Variants in TASOR observed in about 807,000 individuals in gnomAD.
The protein encoded by TASOR is transcription activation suppressor.
Under a neutral mutation model 178.6 loss-of-function variants are expected in TASOR, and 53 were observed. That is an observed-to-expected ratio of 0.30 (90% confidence interval 0.24 to 0.37). The LOEUF (loss-of-function observed/expected upper bound fraction) is 0.37, where lower values mean the gene tolerates loss of function less well. TASOR is among the 10% of genes least tolerant of loss of function. TASOR has a pLI of 1.00. For missense variants in TASOR, 1,815 were observed against 1,971.4 expected, an observed-to-expected ratio of 0.92 and a Z score of 1.50; for synonymous variants, 713 against 696.2, an observed-to-expected ratio of 1.02 and a Z score of -0.38.
chr3:56,628,361 G>T, intron 19 of TASOR, 131 bp downstream of exon 19: 1 of 788,388 alleles, frequency 1.3e-6, no homozygotes, highest in Non-Finnish European at 2.0e-6. Flanking sequence ...CTCACAAGCT[G>T]ATTCACAGAT....
chr3:56,663,062 C>A (rs930463353), intron 8 of TASOR, among the ~76,000 whole-genome samples: 1 of 151,912 alleles, frequency 6.6e-6, no homozygotes, highest in Non-Finnish European at 1.5e-5. Context: ...CGCCTGTAAT[C>A]CTAGCTACTC....
intron 9 of TASOR, among the ~76,000 whole-genome samples, chr3:56,662,135 A>AG (rs113958357): frequency 0.17 from 25,565 of 151,214 alleles, 2,735 homozygotes; most frequent in South Asian, 0.35. Flanking sequence ...CGTCTCAAAA[A>AG]AAAAAAAAAA....
chr3:56,662,376 T>TA lies in TASOR; in HGVS notation c.1160+8dup, dbSNP rs2077617283. On this transcript the variant is annotated intron_variant, in intron 9 of 23. Transcript: ENST00000683822. ...TAGCAACCACGAACTGCTCTTTACTTATACTTACAGTTTGATAGGCAAAAA... is the reference window on the plus strand; with the variant it reads ...TAGCAACCACGAACTGCTCTTTACTTAATACTTACAGTTTGATAGGCAAAAA... 6.8e-7 allele frequency: 1 copy of TA among 1,463,952 alleles called. No homozygotes were observed. Among genetic ancestry groups the TA allele is most frequent in the Non-Finnish European group, 9.4e-7 (1 of 1,068,516 alleles). 90.7% of individuals were successfully genotyped at this position (1,463,952 alleles called of 1,614,324 possible). A position where few individuals can be genotyped will look rare whatever the true frequency, so the allele number is the denominator to read the frequency against.
rs2031957094 is a variant in TASOR at position 56,683,163 on chromosome 3, T to C, written c.-157A>G. 3.9e-6 allele frequency: 3 copies of C among 764,804 alleles called. No individual in the cohort carries two copies. Among genetic ancestry groups the C allele is most frequent in the Non-Finnish European group, 6.1e-6 (3 of 492,520 alleles). The allele number at this position is 764,804 out of a possible 1,614,324, so 47.4% of individuals were successfully genotyped here. On this transcript the variant is annotated 5_prime_UTR_variant, in exon 1 of 24. Transcript: ENST00000683822. ...CTGCGCTCCCGACCTGGCAGCCTCT[T>C]GGGGGGCCCTGTAGCGGGCACCCCA...
Position 56,621,578 on chromosome 3 carries a change from T to C in TASOR, c.*1459A>G. On this transcript the variant is annotated 3_prime_UTR_variant, in exon 24 of 24. Coordinates refer to ENST00000683822, the MANE Select transcript of TASOR (RefSeq NM_001365635.2). ...GAGTTGGAAAGTAGTCTCCTGCCTT[T>C]AGCTGAAAATCAAGAAGAGAGTTTT... 6.2e-7 allele frequency: 1 copy of C among 1,601,842 alleles called. No individual in the cohort carries two copies. Among genetic ancestry groups the C allele is most frequent in the Non-Finnish European group, 8.5e-7 (1 of 1,174,702 alleles).
rs1255667478 is a variant in TASOR at position 56,671,703 on chromosome 3, T to G, written c.478-11A>C. Reference sequence around the variant, plus strand: ...TCGCTTTTCTGTAAACTAAATGAAATTAAAACTATAACAACTACTTAGCAT... The same window carrying G: ...TCGCTTTTCTGTAAACTAAATGAAAGTAAAACTATAACAACTACTTAGCAT... On this transcript the variant is annotated splice_polypyrimidine_tract_variant and intron_variant, in intron 2 of 23. Transcript: ENST00000683822. 1 of 1,526,470 alleles carries G rather than the reference T, an allele frequency of 6.6e-7. No individual in the cohort carries two copies. The highest frequency in any genetic ancestry group is 1.4e-5 in the African/African-American group (1 of 72,398). The allele number at this position is 1,526,470 out of a possible 1,614,324, so 94.6% of individuals were successfully genotyped here.
rs758649579 is a variant in TASOR at position 56,633,519 on chromosome 3, TTAA to T, written c.3269_3271del (p.Ile1090del). On this transcript the variant is annotated inframe_deletion, in exon 18 of 24. Transcript: ENST00000683822. ...CAAATTCCCACCCTTGGCTGATGCTTTAATAATAATAGTATTTAGCTTCTCATG... is the reference window on the plus strand; with the variant it reads ...CAAATTCCCACCCTTGGCTGATGCTTTAATAATAGTATTTAGCTTCTCATG... 6 of 1,614,024 alleles carry T rather than the reference TTAA, an allele frequency of 3.7e-6. No homozygotes were observed. The highest frequency in any genetic ancestry group is 2.2e-5 in the South Asian group (2 of 91,082).
intron 11 of TASOR, among the ~76,000 whole-genome samples, chr3:56,657,872 A>G (rs1239798439): frequency 6.6e-6 from 1 of 152,230 alleles, no homozygotes; most frequent in Non-Finnish European, 1.5e-5. Flanking sequence ...CTTCCCTTTT[A>G]TAAGCAAATA....
chr3:56,658,955 TG>T, intron 11 of TASOR, among the ~76,000 whole-genome samples: 1 of 35,996 alleles, frequency 2.8e-5, no homozygotes, highest in Non-Finnish European at 3.9e-5. Flanking sequence ...ACTGTGTGTG[TG>T]TGTGTGTGTG....
At chr3:56,663,477 TA>T in intron 8 of TASOR, 63 bp downstream of exon 8, 1 of 908,542 alleles carries the variant, frequency 1.1e-6, no homozygotes, top group Non-Finnish European at 1.5e-6. Flanking sequence ...ACAAAGCACT[TA>T]ATCTTTTGCT....
chr3:56,671,758 A>G, intron 2 of TASOR, 66 bp from the exon 3 acceptor site: 1 of 1,262,948 alleles, frequency 7.9e-7, no homozygotes, highest in Non-Finnish European at 1.1e-6. Flanking sequence ...TACAAGTTTT[A>G]TTTTTTTTTC....
Position 56,673,639 on chromosome 3 carries a change from C to A in TASOR, c.418G>T (p.Val140Leu). 1 of 1,551,210 alleles carries A rather than the reference C, an allele frequency of 6.4e-7. No individual in the cohort carries two copies. The highest frequency in any genetic ancestry group is 1.2e-5 in the South Asian group (1 of 84,032). Residue 140 changes from valine to leucine, a missense_variant, in exon 2 of 24, where the codon GTA (valine) becomes TTA (leucine). Val to Leu is a conservative substitution (Grantham distance 32, BLOSUM62 1). Transcript: ENST00000683822. ...LHSSYLEPTS[V>L]TNFNYRRACL... ...GCACGTCTGTAGTTAAAATTTGTTACTGAGGTTGGTTCAAGGTAAGAAGAA... is the reference window on the plus strand; with the variant it reads ...GCACGTCTGTAGTTAAAATTTGTTAATGAGGTTGGTTCAAGGTAAGAAGAA...
Position 56,662,428 on chromosome 3 carries a change from T to C in TASOR, c.1117A>G (p.Ile373Val), listed in dbSNP as rs2077617848. 6.5e-7 allele frequency: 1 copy of C among 1,549,288 alleles called. No homozygotes were observed. The highest frequency in any genetic ancestry group is 8.7e-7 in the Non-Finnish European group (1 of 1,145,728). Residue 373 changes from isoleucine to valine, a missense_variant, in exon 9 of 24, where the codon ATT becomes GTT. Physicochemically the swap from Ile to Val is conservative, Grantham distance 29. This residue lies in a region of TASOR where 504 missense variants were observed against 645.3 expected (regional missense o/e 0.78). Transcript: ENST00000683822. ...GCACGAGTGGCTGACCTCAGAGAAA[T>C]ATAACACAAAAGTTTTCCTTTATTT... ...LLNKGKLLCY[I>V]SLRSATRAFL...
At chr3:56,666,917 C>CAGTATAGTACAGTTTTGTAACTTTCAG (rs2030059655) in intron 6 of TASOR, among the ~76,000 whole-genome samples, 1 of 152,210 alleles carries the variant, frequency 6.6e-6, no homozygotes, top group Admixed American at 6.5e-5. Context: ...TCACCACATT[C>CAGTATAGTACAGTTTTGTAACTTTCAG]AGTATAGTAC....
intron 1 of TASOR, among the ~76,000 whole-genome samples, chr3:56,679,465 T>C (rs921469093): frequency 2.6e-5 from 4 of 152,228 alleles, no homozygotes; most frequent in African/African-American, 7.2e-5. Context: ...CACTCATCCA[T>C]ATACAACTAA....
intron 18 of TASOR, among the ~76,000 whole-genome samples, chr3:56,631,203 T>C (rs9868059): frequency 0.18 from 27,862 of 152,112 alleles, 3,327 homozygotes; most frequent in South Asian, 0.35. Flanking sequence ...CACAGTACTC[T>C]GACTCATGTA....
intron 16 of TASOR, among the ~76,000 whole-genome samples, chr3:56,639,300 A>T (rs1441579781): frequency 1.6e-5 from 2 of 123,588 alleles, no homozygotes; most frequent in African/African-American, 7.3e-5. Flanking sequence ...ATACCCTGAA[A>T]ATATTTCCAA....
At chr3:56,657,471 G>A (rs1378288575) in intron 11 of TASOR, among the ~76,000 whole-genome samples, 1 of 152,116 alleles carries the variant, frequency 6.6e-6, no homozygotes, top group Non-Finnish European at 1.5e-5. Flanking sequence ...ATAAAGATAA[G>A]GGAATGTTTG....
chr3:56,673,582 C>A lies in TASOR; in HGVS notation c.475G>T (p.Glu159Ter). ...CLVHNELLEK[E>*]FTEKRRELKF... ...AGTAAGTATAATTTAAAACATACCT[C>A]CTTTTCCAAAAGCTCATTGTGTACC... The change falls in exon 2 of 24, where the codon GAG becomes TAG. Residue 159 changes from glutamate (E) to a stop codon, truncating the protein, a stop_gained and splice_region_variant. Coordinates refer to ENST00000683822, the MANE Select transcript of TASOR (RefSeq NM_001365635.2). LOFTEE classifies it high-confidence loss of function. 6.5e-7 allele frequency: 1 copy of A among 1,542,828 alleles called. No homozygotes were observed. The highest frequency in any genetic ancestry group is 8.7e-7 in the Non-Finnish European group (1 of 1,144,050).
Sources: allele counts gnomAD v4.1 joint callset (sites outside exome capture counted in the v4.1 genomes callset), GRCh38; gene constraint gnomAD v4.1.1; regional missense constraint gnomAD v4.1.1; transcripts MANE v1.5; gene names NCBI Gene and HGNC (gene_info 2026-07-23, HGNC 2026-07-21).